The following USP37 variants were observed in gnomAD, a reference collection of about 807,000 sequenced individuals.
USP37 encodes the protein ubiquitin specific peptidase 37.
A neutral mutation model predicts 124.0 loss-of-function variants in USP37; 27 were observed. That is an observed-to-expected ratio of 0.22 (90% CI 0.16 to 0.30). USP37 has a LOEUF of 0.30. Among genes scored for constraint, USP37 ranks in the 10% least tolerant of loss-of-function variants. The probability of loss-of-function intolerance (pLI) is 1.00; values close to 1 mark genes in which losing one functional copy is unlikely to be tolerated. For missense variants in USP37, 889 were observed against 1,140.4 expected (o/e 0.78, Z 3.17); for synonymous variants, 365 against 388.0 (o/e 0.94, Z 0.70).
In USP37 at chr2:218,457,083, G is replaced by A. The variant is rs780971094; in HGVS notation, c.2713+9C>T. ...TTTATAAAATGCTGAAATCATGATGGCTATTCACCTGAAGAAGAAGTGCTA... is the reference window on the plus strand; with the variant it reads ...TTTATAAAATGCTGAAATCATGATGACTATTCACCTGAAGAAGAAGTGCTA... On this transcript the variant is annotated intron_variant, in intron 24 of 25. Transcript: ENST00000258399. 17 of 1,612,970 alleles carry A rather than the reference G, an allele frequency of 1.1e-5. No homozygotes were observed. The South Asian group carries it at 1.8e-4, about 17-fold the overall frequency.
In USP37 at chr2:218,467,311, A is replaced by ATC. The variant is rs1267850098; in HGVS notation, c.2300-1137_2300-1136dup. Reference sequence around the variant, plus strand: ...AGGCGCCCGCCACCATGCCCAGCTAATCTATATCTATCTATCTATCTATCT... The same window carrying ATC: ...AGGCGCCCGCCACCATGCCCAGCTAATCTCTATATCTATCTATCTATCTATCT... On this transcript the variant is annotated intron_variant, in intron 20 of 25. Transcript: ENST00000258399. Among the ~76,000 whole-genome samples, 9 of 108,336 alleles carry ATC rather than the reference A, an allele frequency of 8.3e-5. No individual in the cohort carries two copies. In the East Asian group the frequency reaches 2.1e-3, roughly 25 times the overall value. 71.1% of individuals were successfully genotyped at this position (108,336 alleles called of 152,430 possible).
Position 218,476,951 on chromosome 2 carries a change from C to G in USP37, c.1932G>C (p.Leu644Phe). Residue 644 changes from leucine (L) to phenylalanine (F), a missense_variant, in exon 19 of 26, where the codon TTG becomes TTC. This residue lies in a region of USP37 where 504 missense variants were observed against 714.3 expected (regional missense o/e 0.71). Coordinates refer to ENST00000258399, the MANE Select transcript of USP37 (RefSeq NM_020935.3). ...CACTGTCTGAATCAAGGCATAAAGC[C>G]AAGGAGCTCTTGGATTTGAAGGTGA... Reference protein sequence around the residue: ...KKFTFKSKSSLALCLDSDSED... With the variant: ...KKFTFKSKSSFALCLDSDSED... 4.5e-6 allele frequency: 7 copies of G among 1,540,766 alleles called. No homozygotes were observed. The highest frequency in any genetic ancestry group is 6.1e-6 in the Non-Finnish European group (7 of 1,145,958).
intron 8 of USP37, among the ~76,000 whole-genome samples, chr2:218,544,453 A>AGAGAGAGAGG (rs1411547156): frequency 2.8e-5 from 4 of 144,470 alleles, no homozygotes; most frequent in Non-Finnish European, 4.5e-5. Flanking sequence ...AGAGAGAGAG[A>AGAGAGAGAGG]GAGAGAGACC....
chr2:218,510,154 T>C lies in USP37; in HGVS notation c.864-14A>G, dbSNP rs1449365542. Reference sequence around the variant, plus strand: ...GAAACATTAGTCCTACAAAAAAGCATAAATAATGAAGAAGCAAAATAAATT... The same window carrying C: ...GAAACATTAGTCCTACAAAAAAGCACAAATAATGAAGAAGCAAAATAAATT... On this transcript the variant is annotated splice_polypyrimidine_tract_variant and intron_variant, in intron 10 of 25. Coordinates refer to ENST00000258399, the MANE Select transcript of USP37 (RefSeq NM_020935.3). The C allele has an allele frequency of 6.3e-7, 1 of 1,596,066 alleles. No individual in the cohort carries two copies. Among genetic ancestry groups the C allele is most frequent in the East Asian group, 2.2e-5 (1 of 44,706 alleles).
In USP37 at chr2:218,521,087, C is replaced by A. The variant is rs538674037; in HGVS notation, c.863+8869G>T. Among the ~76,000 whole-genome samples, 7 of 152,234 alleles carry A rather than the reference C, an allele frequency of 4.6e-5. No individual in the cohort carries two copies. In the South Asian group the frequency reaches 1.5e-3, roughly 32 times the overall value. On this transcript the variant is annotated intron_variant, in intron 10 of 25. Transcript: ENST00000258399. ...TCTCACTCTCTTCCTCCTTCTCTGA[C>A]CATGTGAAGTGCTGGCTCCCACTTT...
In USP37 at chr2:218,549,795, T is replaced by A. The variant is rs1199434369; in HGVS notation, c.429+14A>T. 1 of 1,607,154 alleles carries A rather than the reference T, an allele frequency of 6.2e-7. No individual in the cohort carries two copies. The highest frequency in any genetic ancestry group is 2.3e-5 in the East Asian group (1 of 44,394). On this transcript the variant is annotated intron_variant, in intron 6 of 25. Coordinates refer to ENST00000258399, the MANE Select transcript of USP37 (RefSeq NM_020935.3). The stretch of plus-strand genomic sequence containing the variant: ...CATTTTTTTTAAATGCTAAAAAGAT[T>A]CAAATGAACATACCTGATTGTCTGA...
intron 22 of USP37, among the ~76,000 whole-genome samples, chr2:218,461,865 A>G (rs1690028958): frequency 6.6e-6 from 1 of 151,712 alleles, no homozygotes; most frequent in African/African-American, 2.4e-5. Context: ...AATATAAAAA[A>G]TTAGCTGGAA....
intron 23 of USP37, 54 bp downstream of exon 23, chr2:218,459,736 T>C (rs886110906): frequency 1.1e-5 from 16 of 1,492,448 alleles, no homozygotes; most frequent in African/African-American, 5.6e-5. Context: ...AAGTAAAGAG[T>C]GGGAAGAGTG....
At chr2:218,477,596 A>G (rs953880504) in intron 18 of USP37, among the ~76,000 whole-genome samples, 1 of 152,258 alleles carries the variant, frequency 6.6e-6, no homozygotes, top group African/African-American at 2.4e-5. Flanking sequence ...ATGAGAAAGA[A>G]TAACCACAAG....
intron 11 of USP37, among the ~76,000 whole-genome samples, chr2:218,502,701 A>C (rs1447011746): frequency 8.5e-5 from 13 of 152,308 alleles, no homozygotes; most frequent in African/African-American, 2.6e-4. Context: ...TTCAAGGAGG[A>C]AGATTAAATC....
intron 10 of USP37, chr2:218,528,915 C>A (rs1280406367): frequency 2.5e-6 from 1 of 393,676 alleles, no homozygotes; most frequent in Non-Finnish European, 4.4e-6. Context: ...ACATTCACTG[C>A]TGTAATACAG....
intron 23 of USP37, among the ~76,000 whole-genome samples, chr2:218,458,803 G>A (rs1574832307): frequency 6.6e-6 from 1 of 152,046 alleles, no homozygotes; most frequent in South Asian, 2.1e-4. Flanking sequence ...GTGGCAGTGT[G>A]TGCCTCTAGT....
chr2:218,466,716 C>T (rs1690346737), intron 20 of USP37, among the ~76,000 whole-genome samples: 1 of 152,088 alleles, frequency 6.6e-6, no homozygotes, highest in African/African-American at 2.4e-5. Flanking sequence ...GATCAAGCTA[C>T]TATTGAGATT....
At chr2:218,464,235 A>G (rs531955292) in intron 21 of USP37, among the ~76,000 whole-genome samples, 63 of 150,212 alleles carry the variant, frequency 4.2e-4, no homozygotes, top group African/African-American at 1.4e-3. Flanking sequence ...GAGAAATTAG[A>G]TTTCTTTTTT....
intron 5 of USP37, among the ~76,000 whole-genome samples, chr2:218,552,836 T>G (rs1692738497): frequency 6.6e-6 from 1 of 152,024 alleles, no homozygotes; most frequent in African/African-American, 2.4e-5. Context: ...GTAATTTAAA[T>G]CCTCCTCCCT....
intron 11 of USP37, among the ~76,000 whole-genome samples, chr2:218,509,370 G>T (rs949918490): frequency 2.0e-5 from 3 of 151,960 alleles, no homozygotes; most frequent in African/African-American, 7.3e-5. Context: ...CTATCTCAAA[G>T]ACTTGTTGCG....
intron 25 of USP37, 56 bp from the exon 26 acceptor site, chr2:218,455,073 A>G (rs955325605): frequency 6.3e-7 from 1 of 1,596,908 alleles, no homozygotes; most frequent in Non-Finnish European, 8.5e-7. Flanking sequence ...AGAACCAAAG[A>G]ATAGGCAGGA....
At chr2:218,567,688 T>C (rs926466138) in intron 1 of USP37, among the ~76,000 whole-genome samples, 10 of 152,226 alleles carry the variant, frequency 6.6e-5, no homozygotes, top group Non-Finnish European at 1.3e-4. Context: ...TCATGGATCA[T>C]GACTTAAAAT....
chr2:218,527,500 T>C (rs1469548608), intron 10 of USP37, among the ~76,000 whole-genome samples: 2 of 152,248 alleles, frequency 1.3e-5, no homozygotes, highest in African/African-American at 2.4e-5. Context: ...TCCACATTCC[T>C]TACCGCTTTA....
Sources: allele counts gnomAD v4.1 joint callset (sites outside exome capture counted in the v4.1 genomes callset), GRCh38; gene constraint gnomAD v4.1.1; regional missense constraint gnomAD v4.1.1; transcripts MANE v1.5; gene names NCBI Gene and HGNC (gene_info 2026-07-23, HGNC 2026-07-21).